ZCCHC24: variants seen among roughly 807,000 people sequenced by gnomAD.
ZCCHC24 encodes zinc finger CCHC-type containing 24.
ZCCHC24 carries 10 observed loss-of-function variants against 26.2 expected under a neutral mutation model. The observed-to-expected ratio is 0.38, with a 90% CI of 0.24 to 0.65. The LOEUF (loss-of-function observed/expected upper bound fraction) is 0.65. Among genes scored for constraint, ZCCHC24 ranks in the 30% least tolerant of loss-of-function variants. ZCCHC24 has a pLI of 0.54. For synonymous variants in ZCCHC24, 144 were observed against 147.1 expected, an observed-to-expected ratio of 0.98 and a Z score of 0.15; for missense variants, 243 against 329.1, an observed-to-expected ratio of 0.74 and a Z score of 2.03.
At chr10:79,418,111 C>T (rs771572160) in intron 2 of ZCCHC24, among the ~76,000 whole-genome samples, 2 of 152,236 alleles carry the variant, frequency 1.3e-5, no homozygotes, top group African/African-American at 2.4e-5. Flanking sequence ...GGTCAGCTCA[C>T]AGCAGCCACC....
chr10:79,386,284 C>T lies in ZCCHC24; in HGVS notation c.*61G>A, dbSNP rs758345527. 4.0e-6 allele frequency: 6 copies of T among 1,516,070 alleles called. No homozygotes were observed. In the East Asian group the frequency reaches 6.9e-5, roughly 17 times the overall value. The allele number at this position is 1,516,070 out of a possible 1,614,324, so 93.9% of individuals were successfully genotyped here. ...CGACACGCAGCCCCTCGGAGTAGCA[C>T]AGGGAAGCAGCGTCTCCTCGGGCTG... On this transcript the variant is annotated 3_prime_UTR_variant, in exon 4 of 4. Transcript: ENST00000372336.
chr10:79,390,277 C>T (rs1791903054), intron 3 of ZCCHC24, among the ~76,000 whole-genome samples: 1 of 152,214 alleles, frequency 6.6e-6, no homozygotes, highest in Admixed American at 6.5e-5. Flanking sequence ...ACTCAATTTT[C>T]TCCTCCATAA....
At chr10:79,415,721 G>T (rs1225652740) in intron 2 of ZCCHC24, among the ~76,000 whole-genome samples, 1 of 152,198 alleles carries the variant, frequency 6.6e-6, no homozygotes, top group South Asian at 2.1e-4. Context: ...GGTTGTTGGA[G>T]TGACAGAGGC....
intron 2 of ZCCHC24, among the ~76,000 whole-genome samples, chr10:79,411,694 G>GCACACA (rs1387834087): frequency 1.3e-5 from 2 of 152,196 alleles, no homozygotes; most frequent in Admixed American, 6.5e-5. Context: ...CAGCCTGTGA[G>GCACACA]AGGCAGGGCC....
At chr10:79,407,714 G>A (rs982789247) in intron 2 of ZCCHC24, among the ~76,000 whole-genome samples, 8 of 152,210 alleles carry the variant, frequency 5.3e-5, no homozygotes, top group African/African-American at 1.9e-4. Context: ...GCACAGAGAA[G>A]GCAAGTGACT....
chr10:79,413,423 C>A (rs1856817504), intron 2 of ZCCHC24, among the ~76,000 whole-genome samples: 2 of 152,206 alleles, frequency 1.3e-5, no homozygotes, highest in African/African-American at 4.8e-5. Context: ...GAACGGAAGA[C>A]TGTGGTCAGG....
At chr10:79,410,581 G>A (rs1455359702) in intron 2 of ZCCHC24, among the ~76,000 whole-genome samples, 1 of 152,238 alleles carries the variant, frequency 6.6e-6, no homozygotes, top group Non-Finnish European at 1.5e-5. Context: ...AGCATGGAGG[G>A]CTTGAGGCTT....
Position 79,445,613 on chromosome 10 carries a change from C to T in ZCCHC24, c.-173G>A. ...CCGCAGCCGCTGCCGCTGCCGCCGC[C>T]TCCCCCCGACTGCGGCCCCGGCGCG... is the stretch of plus-strand genomic sequence containing the variant. On this transcript the variant is annotated 5_prime_UTR_variant, in exon 1 of 4. Transcript: ENST00000372336. 2.4e-6 allele frequency: 1 copy of T among 412,462 alleles called. No individual in the cohort carries two copies. The highest frequency in any genetic ancestry group is 3.3e-6 in the Non-Finnish European group (1 of 304,624). 25.6% of individuals were successfully genotyped at this position (412,462 alleles called of 1,614,324 possible).
At chr10:79,388,264 G>A (rs951384016) in intron 3 of ZCCHC24, among the ~76,000 whole-genome samples, 2 of 152,154 alleles carry the variant, frequency 1.3e-5, no homozygotes, top group African/African-American at 4.8e-5. Flanking sequence ...ATCGGTGGGA[G>A]GGGGACACCA....
intron 2 of ZCCHC24, among the ~76,000 whole-genome samples, chr10:79,426,698 A>G (rs1036676586): frequency 1.6e-4 from 25 of 152,388 alleles, no homozygotes; most frequent in African/African-American, 5.3e-4. Context: ...AAAAAAAATC[A>G]TTAAAGAAAT....
chr10:79,416,277 C>T (rs1477326796), intron 2 of ZCCHC24, among the ~76,000 whole-genome samples: 1 of 152,218 alleles, frequency 6.6e-6, no homozygotes, highest in East Asian at 1.9e-4. Flanking sequence ...GGGCAATGGG[C>T]TTATTCAAGG....
At chr10:79,421,835 G>T (rs780803913) in intron 2 of ZCCHC24, among the ~76,000 whole-genome samples, 1 of 152,024 alleles carries the variant, frequency 6.6e-6, no homozygotes, top group Non-Finnish European at 1.5e-5. Flanking sequence ...CATCATGTTG[G>T]CCGGGCTGGT....
Position 79,445,432 on chromosome 10 carries a change from C to T in ZCCHC24, c.9G>A (p.Leu3=). The T allele has an allele frequency of 1.2e-5, 17 of 1,466,242 alleles. No individual in the cohort carries two copies. Among genetic ancestry groups the T allele is most frequent in the Non-Finnish European group, 1.5e-5 (17 of 1,103,170 alleles). The allele number at this position is 1,466,242 out of a possible 1,614,324, so 90.8% of individuals were successfully genotyped here. ...CGGCGCTCGTGTCGATGGCCGACAG[C>T]AGGCTCATTTTGTGGCGGCGGTGCC... is the stretch of plus-strand genomic sequence containing the variant. MS[L]LSAIDTSAAS... Residue 3 remains leucine, a synonymous_variant, in exon 1 of 4, where the codon CTG becomes CTA. Coordinates refer to ENST00000372336, the MANE Select transcript of ZCCHC24 (RefSeq NM_153367.4).
chr10:79,442,021 A>G (rs1589682473), intron 1 of ZCCHC24, among the ~76,000 whole-genome samples: 1 of 152,150 alleles, frequency 6.6e-6, no homozygotes, highest in Admixed American at 6.5e-5. Flanking sequence ...TCCAAACAAG[A>G]CTTGGCAGGG....
At chr10:79,420,748 G>A (rs532562381) in intron 2 of ZCCHC24, among the ~76,000 whole-genome samples, 2 of 152,108 alleles carry the variant, frequency 1.3e-5, no homozygotes, top group African/African-American at 4.8e-5. Context: ...ACTGCAGCCT[G>A]GGCAACAGAG....
intron 2 of ZCCHC24, among the ~76,000 whole-genome samples, chr10:79,420,213 C>T (rs1056840512): frequency 6.6e-6 from 1 of 152,172 alleles, no homozygotes; most frequent in Non-Finnish European, 1.5e-5. Flanking sequence ...CCACAGCACC[C>T]ATCCTGGGCA....
chr10:79,386,339 A>T lies in ZCCHC24; in HGVS notation c.*6T>A. On this transcript the variant is annotated 3_prime_UTR_variant, in exon 4 of 4. Transcript: ENST00000372336. ...GGGGTGGCTCTGGGTGCGGGCGGGC[A>T]GCCCGTCACTGCACGCGACGGCAGT... 1 of 1,611,688 alleles carries T rather than the reference A, an allele frequency of 6.2e-7. No individual in the cohort carries two copies.
At chr10:79,407,640 C>G (rs1207488943) in intron 2 of ZCCHC24, among the ~76,000 whole-genome samples, 1 of 152,208 alleles carries the variant, frequency 6.6e-6, no homozygotes, top group Admixed American at 6.5e-5. Context: ...CTGTTAAAGT[C>G]CAGTCAGATA....
intron 2 of ZCCHC24, among the ~76,000 whole-genome samples, chr10:79,426,799 T>A (rs1857034182): frequency 6.6e-6 from 1 of 152,196 alleles, no homozygotes. Context: ...ACATGAGTAA[T>A]TTAGAAAGCA....
Sources: gnomAD v4.1 joint callset for allele counts (sites outside exome capture counted in the v4.1 genomes callset) on GRCh38, gnomAD v4.1.1 for gene constraint, MANE v1.5 for transcripts, NCBI Gene and HGNC (gene_info 2026-07-23, HGNC 2026-07-21) for gene names.